Variants in IRAK1BP1 observed in about 807,000 individuals in gnomAD.
The protein encoded by IRAK1BP1 is interleukin-1 receptor-associated kinase 1-binding protein 1.
In IRAK1BP1, 24 loss-of-function variants were observed where a neutral mutation model predicts 28.0. That is an observed-to-expected ratio of 0.86 (90% CI 0.62 to 1.20). The LOEUF (loss-of-function observed/expected upper bound fraction) is 1.20. Among genes scored for constraint, IRAK1BP1 ranks in the 50% most tolerant of loss-of-function variants. The pLI, the probability that IRAK1BP1 is intolerant of heterozygous loss-of-function variation, is 0.00. For synonymous variants in IRAK1BP1, 131 were observed against 116.3 expected, an observed-to-expected ratio of 1.13 and a Z score of -0.81; for missense variants, 336 against 316.7, an observed-to-expected ratio of 1.06 and a Z score of -0.46.
intron 1 of IRAK1BP1, among the ~76,000 whole-genome samples, chr6:78,880,498 A>C (rs1012065587): frequency 6.6e-6 from 1 of 152,182 alleles, no homozygotes; most frequent in East Asian, 1.9e-4. Context: ...TTTGTGAAAA[A>C]CATTGTTAAG....
At chr6:78,879,256 G>A (rs899200745) in intron 1 of IRAK1BP1, among the ~76,000 whole-genome samples, 5 of 152,062 alleles carry the variant, frequency 3.3e-5, no homozygotes, top group South Asian at 4.1e-4. Flanking sequence ...TGTAAATGAC[G>A]AGTTAATGGG....
chr6:78,905,624 T>C (rs1464681542), downstream of IRAK1BP1, among the ~76,000 whole-genome samples: 1 of 152,154 alleles, frequency 6.6e-6, no homozygotes, highest in Non-Finnish European at 1.5e-5. Flanking sequence ...TTTTTTGAGA[T>C]TGAATCTTGC....
chr6:78,955,958 T>C, the IRAK1BP1 span: 17 of 224,976 alleles, frequency 7.6e-5, no homozygotes, highest in Non-Finnish European at 1.4e-4. Context: ...CTTCCATTCC[T>C]CAGTCTTCAA....
intron 2 of IRAK1BP1, among the ~76,000 whole-genome samples, chr6:78,894,359 T>C (rs1757062353): frequency 6.6e-6 from 1 of 152,114 alleles, no homozygotes; most frequent in South Asian, 2.1e-4. Context: ...TATGAAGACA[T>C]ATGTTGGTTA....
At chr6:78,930,250 T>C (rs1773008012) in intron 4 of IRAK1BP1, among the ~76,000 whole-genome samples, 1 of 152,224 alleles carries the variant, frequency 6.6e-6, no homozygotes, top group South Asian at 2.1e-4. Context: ...GTAATTGTTC[T>C]ATAGCATGTC....
intron 4 of IRAK1BP1, chr6:78,937,808 T>G (rs1773331398): frequency 6.6e-6 from 1 of 151,800 alleles, no homozygotes; most frequent in Admixed American, 6.6e-5. Flanking sequence ...ACTAAATATT[T>G]AAACTAATGC....
At chr6:78,913,971 A>C (rs190646341) in intron 4 of IRAK1BP1, among the ~76,000 whole-genome samples, 44 of 152,336 alleles carry the variant, frequency 2.9e-4, no homozygotes, top group Admixed American at 7.2e-4. Flanking sequence ...AATCATCACA[A>C]CATTATACTA....
At chr6:78,870,168 A>G (rs916423134) in intron 1 of IRAK1BP1, among the ~76,000 whole-genome samples, 3 of 147,566 alleles carry the variant, frequency 2.0e-5, no homozygotes, top group East Asian at 2.0e-4. Context: ...CTCATCTCCT[A>G]TCATATCTTC....
At chr6:78,952,827 ACTAT>A in the IRAK1BP1 span, among the ~76,000 whole-genome samples, 2,332 of 149,024 alleles carry the variant, frequency 0.016, 63 homozygotes, top group African/African-American at 0.054. Context: ...TTTAACCAAA[ACTAT>A]CTATCAAAGT....
the IRAK1BP1 span, among the ~76,000 whole-genome samples, chr6:78,964,820 A>G: frequency 1.5e-4 from 23 of 152,220 alleles, no homozygotes; most frequent in African/African-American, 5.5e-4. Flanking sequence ...AAAATCAAAC[A>G]ATATAGAATA....
rs749859007 is a variant in IRAK1BP1 at position 78,897,256 on chromosome 6, TA to T, written c.382-551del. On this transcript the variant is annotated intron_variant, in intron 2 of 3. Transcript: ENST00000369940. ...CAACGTAGCAAGATCTTGTCTCTCT[TA>T]AAAAAAAAAAAAAAAAAAAAAGACA... 9.9e-3 allele frequency among the ~76,000 whole-genome samples: 1,100 copies of T among 110,988 alleles called. 7 individuals are homozygous for T. The highest frequency in any genetic ancestry group is 0.024 in the South Asian group (78 of 3,314). The allele number at this position is 110,988 out of a possible 152,430, so 72.8% of individuals were successfully genotyped here. A position where few individuals can be genotyped will look rare whatever the true frequency, so the allele number is the denominator to read the frequency against.
chr6:78,972,462 T>G, the IRAK1BP1 span, among the ~76,000 whole-genome samples: 1 of 152,032 alleles, frequency 6.6e-6, no homozygotes, highest in East Asian at 1.9e-4. Flanking sequence ...ACTCTAAAAA[T>G]CAGAGCACCT....
chr6:78,874,415 A>T (rs1046404481), intron 1 of IRAK1BP1, among the ~76,000 whole-genome samples: 2 of 152,186 alleles, frequency 1.3e-5, no homozygotes, highest in African/African-American at 4.8e-5. Flanking sequence ...CTGCTTTGAA[A>T]TGTTACTGTT....
At position 78,898,235 on chromosome 6, in the gene IRAK1BP1, T is replaced by A. The variant is rs771070011; in HGVS notation, c.684T>A (p.Thr228=). ...CATCCAGACTCTCAAGTTCATTAAC[T>A]GTACAACAAAAAATCAAAAGTGCAA... ...HQSSRLSSSL[T]VQQKIKSATI... The change falls in exon 4 of 4, where the codon ACT becomes ACA. Residue 228 remains threonine, a synonymous_variant. Transcript: ENST00000369940. 6.2e-7 allele frequency: 1 copy of A among 1,613,432 alleles called. No individual in the cohort carries two copies. The highest frequency in any genetic ancestry group is 8.5e-7 in the Non-Finnish European group (1 of 1,179,796).
the IRAK1BP1 span, among the ~76,000 whole-genome samples, chr6:78,976,413 A>C: frequency 8.7e-6 from 1 of 114,380 alleles, no homozygotes; most frequent in African/African-American, 3.3e-5. Context: ...ACCTAAAACC[A>C]TAAAAACCCT....
the IRAK1BP1 span, chr6:78,954,955 C>G: frequency 1.3e-6 from 2 of 1,555,076 alleles, no homozygotes; most frequent in Non-Finnish European, 1.7e-6. Flanking sequence ...TTCTTCTAGG[C>G]TGATGGTCCT....
chr6:78,968,771 G>A, the IRAK1BP1 span, among the ~76,000 whole-genome samples: 8 of 151,970 alleles, frequency 5.3e-5, no homozygotes, highest in Admixed American at 1.3e-4. Context: ...TTGGTTTTCA[G>A]TGAATTTACA....
chr6:78,921,971 G>A (rs1040282949), intron 4 of IRAK1BP1, among the ~76,000 whole-genome samples: 1 of 152,050 alleles, frequency 6.6e-6, no homozygotes, highest in Non-Finnish European at 1.5e-5. Context: ...ACAAAGATGG[G>A]GAAAAAACAG....
At chr6:78,932,245 A>C (rs879589747) in intron 4 of IRAK1BP1, among the ~76,000 whole-genome samples, 1 of 152,034 alleles carries the variant, frequency 6.6e-6, no homozygotes, top group Non-Finnish European at 1.5e-5. Context: ...GTTGGAATCA[A>C]CTTCCTCCAA....
Sources: allele counts gnomAD v4.1 joint callset (sites outside exome capture counted in the v4.1 genomes callset), GRCh38; gene constraint gnomAD v4.1.1; transcripts MANE v1.5; gene names NCBI Gene and HGNC (gene_info 2026-07-23, HGNC 2026-07-21).